Variants in BRINP1 observed in about 807,000 individuals in gnomAD.
BRINP1 encodes BMP/retinoic acid-inducible neural-specific protein 1.
In BRINP1, 17 loss-of-function variants were observed where a neutral mutation model predicts 72.9. The observed-to-expected ratio is 0.23, with a 90% CI of 0.16 to 0.35. The LOEUF is 0.35. Among genes scored for constraint, BRINP1 ranks in the 10% least tolerant of loss-of-function variants. The pLI is 1.00. For missense variants in BRINP1, 850 were observed against 1,001.6 expected, an observed-to-expected ratio of 0.85 and a Z score of 2.04; for synonymous variants, 418 against 378.5, an observed-to-expected ratio of 1.10 and a Z score of -1.21.
At chr9:119,332,172 A>G (rs943191306) in intron 1 of BRINP1, among the ~76,000 whole-genome samples, 1 of 152,202 alleles carries the variant, frequency 6.6e-6, no homozygotes, top group Admixed American at 6.5e-5. Context: ...TCAGAAGGCT[A>G]CGTCACCACT....
chr9:119,323,382 G>A (rs1245696104), intron 1 of BRINP1, among the ~76,000 whole-genome samples: 1 of 152,210 alleles, frequency 6.6e-6, no homozygotes, highest in Non-Finnish European at 1.5e-5. Context: ...TAAAAGGAAT[G>A]TGTCCCCTCC....
At chr9:119,208,044 G>C (rs923455235) in intron 7 of BRINP1, among the ~76,000 whole-genome samples, 37 of 152,286 alleles carry the variant, frequency 2.4e-4, no homozygotes, top group African/African-American at 7.9e-4. Flanking sequence ...GTGCCCCTGA[G>C]AGAGTAGTAA....
In BRINP1 at chr9:119,167,991, C is replaced by T. The variant is rs751091448; in HGVS notation, c.1379G>A (p.Arg460His). 6.9e-5 allele frequency: 112 copies of T among 1,614,178 alleles called. No homozygotes were observed. Among genetic ancestry groups the T allele is most frequent in the Middle Eastern group, 1.7e-4 (1 of 6,060 alleles). Residue 460 changes from arginine to histidine, a missense_variant, in exon 8 of 8, where the codon CGC (arginine) becomes CAC (histidine). Transcript: ENST00000265922. The surrounding 1 kb of genome is among the most constrained non-coding windows in gnomAD (Gnocchi z 4.3). ...CGAGTCCACGTTCTGTGGTTCACAG[C>T]GGCCTCGATACAGCTTGTAGCCCTT... is the stretch of plus-strand genomic sequence containing the variant. ...CNKGYKLYRG[R>H]CEPQNVDSER...
At chr9:119,217,516 C>T (rs190144253) in intron 5 of BRINP1, among the ~76,000 whole-genome samples, 3 of 152,118 alleles carry the variant, frequency 2.0e-5, no homozygotes, top group Middle Eastern at 3.4e-3. Context: ...TATTTTTCTC[C>T]CAATCTTTTT....
At chr9:119,272,089 GA>G (rs1212794054) in intron 2 of BRINP1, among the ~76,000 whole-genome samples, 1 of 44,516 alleles carries the variant, frequency 2.2e-5, no homozygotes, top group East Asian at 9.9e-4. Context: ...GTTTTTTTGA[GA>G]CAAAAAAAAA....
At chr9:119,303,311 C>T (rs1830960665) in intron 2 of BRINP1, among the ~76,000 whole-genome samples, 1 of 149,920 alleles carries the variant, frequency 6.7e-6, no homozygotes, top group Admixed American at 6.7e-5. Flanking sequence ...CACACACACA[C>T]ACACACACAC....
At chr9:119,220,747 T>G (rs1830032149) in intron 5 of BRINP1, among the ~76,000 whole-genome samples, 1 of 152,208 alleles carries the variant, frequency 6.6e-6, no homozygotes, top group Non-Finnish European at 1.5e-5. Context: ...AGTGATCTAT[T>G]ATGAAGACGA....
chr9:119,281,013 A>ACCAC (rs1158249401), intron 2 of BRINP1, among the ~76,000 whole-genome samples: 2 of 152,172 alleles, frequency 1.3e-5, no homozygotes, highest in African/African-American at 4.8e-5. Flanking sequence ...CATTCTCTGC[A>ACCAC]CCACCCAGAG....
chr9:119,319,884 A>G (rs939120048), intron 1 of BRINP1, among the ~76,000 whole-genome samples: 13 of 152,226 alleles, frequency 8.5e-5, no homozygotes, highest in African/African-American at 3.1e-4. Context: ...AGCTGAAATT[A>G]GATCCTGCTC....
chr9:119,211,212 T>TTTA (rs1564218154), intron 6 of BRINP1, among the ~76,000 whole-genome samples: 2 of 140,422 alleles, frequency 1.4e-5, no homozygotes, highest in African/African-American at 5.4e-5. Context: ...TTATTTATTT[T>TTTA]TTGAGACACA....
chr9:119,301,685 T>C (rs562568947), intron 2 of BRINP1, among the ~76,000 whole-genome samples: 3 of 152,286 alleles, frequency 2.0e-5, no homozygotes, highest in South Asian at 4.2e-4. Context: ...CCCATGTCTG[T>C]CTCTTGGTTT....
intron 1 of BRINP1, among the ~76,000 whole-genome samples, chr9:119,324,609 A>C (rs1831219579): frequency 6.6e-6 from 1 of 152,250 alleles, no homozygotes; most frequent in South Asian, 2.1e-4. Flanking sequence ...ATAATCATGA[A>C]GACTAAAGTA....
At chr9:119,291,645 T>A (rs1031823453) in intron 2 of BRINP1, among the ~76,000 whole-genome samples, 1 of 152,202 alleles carries the variant, frequency 6.6e-6, no homozygotes, top group Non-Finnish European at 1.5e-5. Flanking sequence ...TGGCTACTTT[T>A]TCTAGTTCTC....
At chr9:119,367,677 C>T (rs1389470029) in intron 1 of BRINP1, among the ~76,000 whole-genome samples, 1 of 152,200 alleles carries the variant, frequency 6.6e-6, no homozygotes, top group Non-Finnish European at 1.5e-5. Context: ...CCCCCCTGCC[C>T]TTGGCAGTAT....
chr9:119,203,237 G>C (rs1430679098), intron 7 of BRINP1, among the ~76,000 whole-genome samples: 1 of 152,076 alleles, frequency 6.6e-6, no homozygotes, highest in Non-Finnish European at 1.5e-5. Flanking sequence ...AAGTCCAACA[G>C]TAAAGTCAGC....
intron 3 of BRINP1, among the ~76,000 whole-genome samples, chr9:119,244,116 A>G (rs1830288413): frequency 6.6e-6 from 1 of 152,154 alleles, no homozygotes; most frequent in South Asian, 2.1e-4. Flanking sequence ...CTAAGACAGC[A>G]CTTCTGGGAT....
chr9:119,198,618 A>T (rs1040984563), intron 7 of BRINP1, among the ~76,000 whole-genome samples: 4 of 152,058 alleles, frequency 2.6e-5, no homozygotes, highest in African/African-American at 9.7e-5. Context: ...GTCATCAATT[A>T]TTTATGTCAT....
intron 7 of BRINP1, among the ~76,000 whole-genome samples, chr9:119,176,695 ATAATAAAAAGTACTCTT>A (rs1452125412): frequency 1.3e-5 from 2 of 152,224 alleles, no homozygotes; most frequent in African/African-American, 4.8e-5. Flanking sequence ...GGAAAAGGTA[ATAATAAAAAGTACTCTT>A]ATCCCAGAAA....
rs780677263 is a variant in BRINP1, at chr9:119,167,104, T to C, written c.2266A>G (p.Met756Val). Reference sequence around the variant, plus strand: ...CCGGGTTAGCAGAGTTTGGCTGTCATCTGGTCCGACTGTTTGAGGATCTCC... The same window carrying C: ...CCGGGTTAGCAGAGTTTGGCTGTCACCTGGTCCGACTGTTTGAGGATCTCC... ...NTEILKQSDQMTAKLC is the reference protein window; with the variant it reads ...NTEILKQSDQVTAKLC The change falls in exon 8 of 8, where the codon ATG (methionine) becomes GTG (valine). Residue 756 changes from methionine to valine, a missense_variant. By Grantham distance (21) the Met-to-Val change is conservative. Transcript: ENST00000265922. The surrounding 1 kb of genome is among the most constrained non-coding windows in gnomAD (Gnocchi z 4.3). 2.5e-6 allele frequency: 4 copies of C among 1,605,922 alleles called. No individual in the cohort carries two copies. Among genetic ancestry groups the C allele is most frequent in the Non-Finnish European group, 2.6e-6 (3 of 1,174,376 alleles).
Sources: gnomAD v4.1 joint callset for allele counts (sites outside exome capture counted in the v4.1 genomes callset) on GRCh38, gnomAD v4.1.1 for gene constraint, Gnocchi (gnomAD v3.1) non-coding constraint, MANE v1.5 for transcripts, NCBI Gene and HGNC (gene_info 2026-07-23, HGNC 2026-07-21) for gene names.